The following MEF2C variants were observed in gnomAD, a reference collection of about 807,000 sequenced individuals.
The protein encoded by MEF2C is myocyte-specific enhancer factor 2C.
A neutral mutation model predicts 50.5 loss-of-function variants in MEF2C; 6 were observed. The observed-to-expected ratio is 0.12, with a 90% CI of 0.07 to 0.23. MEF2C has a LOEUF of 0.23. Among genes scored for constraint, MEF2C ranks in the 10% least tolerant of loss-of-function variants. The pLI is 1.00. For synonymous variants in MEF2C, 183 were observed against 228.0 expected, an observed-to-expected ratio of 0.80 and a Z score of 1.78; for missense variants, 276 against 605.0, an observed-to-expected ratio of 0.46 and a Z score of 5.70.
At chr5:88,813,353 G>A (rs894822498) in intron 2 of MEF2C, among the ~76,000 whole-genome samples, 2 of 152,086 alleles carry the variant, frequency 1.3e-5, no homozygotes, top group Non-Finnish European at 2.9e-5. Context: ...CAGAGAAGGA[G>A]TCCTGTATCA....
intron 1 of MEF2C, among the ~76,000 whole-genome samples, chr5:88,842,885 A>T (rs1817884355): frequency 6.6e-6 from 1 of 152,204 alleles, no homozygotes; most frequent in Admixed American, 6.5e-5. Flanking sequence ...TCTTTTCCAG[A>T]ATCCTTGAAA....
Position 88,722,695 on chromosome 5 carries a change from T to A in MEF2C, c.1331A>T (p.His444Leu). The A allele has an allele frequency of 6.2e-7, 1 of 1,613,324 alleles. No individual in the cohort carries two copies. The highest frequency in any genetic ancestry group is 8.5e-7 in the Non-Finnish European group (1 of 1,179,788). ...AGGTCTGGTGAGTCCAATGGGGGAG[T>A]GGAATTCGTTCCGGTGATCCTCTCG... Reference protein sequence around the residue: ...SDREDHRNEFHSPIGLTRPSP... With the variant: ...SDREDHRNEFLSPIGLTRPSP... The change falls in exon 11 of 11, where the codon CAC (histidine) becomes CTC (leucine). Residue 444 changes from histidine (H) to leucine (L), a missense_variant. By Grantham distance (99) the His-to-Leu change is moderately conservative. Around this residue, in one of 2 missense-constraint regions of MEF2C, gnomAD observed 256 missense variants for 468.1 expected, o/e 0.55. Transcript: ENST00000504921.
intron 6 of MEF2C, chr5:88,741,300 A>T (rs150308935): frequency 1.0e-6 from 1 of 984,196 alleles, no homozygotes; most frequent in Middle Eastern, 5.2e-4. Flanking sequence ...ACAAGCACTT[A>T]CTCTGGGGCA....
intron 3 of MEF2C, among the ~76,000 whole-genome samples, chr5:88,765,200 G>C (rs757293867): frequency 6.6e-6 from 1 of 152,120 alleles, no homozygotes; most frequent in Non-Finnish European, 1.5e-5. Flanking sequence ...ATTTAAAAAA[G>C]AGCATTTTGA....
chr5:88,846,099 G>A (rs1490584817), intron 1 of MEF2C, among the ~76,000 whole-genome samples: 1 of 139,516 alleles, frequency 7.2e-6, no homozygotes, highest in Admixed American at 7.4e-5. Context: ...ATGCATTCTA[G>A]CTCTGTTGCC....
intron 1 of MEF2C, among the ~76,000 whole-genome samples, chr5:88,866,032 G>T (rs181699351): frequency 0.019 from 2,900 of 151,976 alleles, 33 homozygotes; most frequent in Admixed American, 0.033. Flanking sequence ...AGTAGCTGGG[G>T]CTACAGGCGC....
chr5:88,851,522 T>G (rs1030734046), intron 1 of MEF2C, among the ~76,000 whole-genome samples: 1 of 152,164 alleles, frequency 6.6e-6, no homozygotes, highest in Admixed American at 6.5e-5. Context: ...TTGATGTCAA[T>G]CAACCTGTAC....
intron 3 of MEF2C, among the ~76,000 whole-genome samples, chr5:88,780,400 C>T (rs778301793): frequency 5.3e-5 from 8 of 152,094 alleles, no homozygotes; most frequent in Non-Finnish European, 8.8e-5. Context: ...AATCACAGTT[C>T]GTCTTGAAAA....
intron 6 of MEF2C, chr5:88,734,122 C>G: frequency 1.0e-6 from 1 of 984,062 alleles, no homozygotes; most frequent in South Asian, 4.7e-5. Flanking sequence ...ATATGTCATC[C>G]TGAATCATTA....
At chr5:88,855,428 C>T (rs1360837773) in intron 1 of MEF2C, among the ~76,000 whole-genome samples, 2 of 151,996 alleles carry the variant, frequency 1.3e-5, no homozygotes, top group Admixed American at 1.3e-4. Context: ...GATTATTTTT[C>T]TGATACAAAA....
intron 3 of MEF2C, among the ~76,000 whole-genome samples, chr5:88,781,394 C>T (rs559816864): frequency 2.0e-5 from 3 of 152,152 alleles, no homozygotes; most frequent in South Asian, 4.1e-4. Flanking sequence ...TTAATTCTTA[C>T]AGGAAGACCA....
intron 3 of MEF2C, among the ~76,000 whole-genome samples, chr5:88,767,124 G>A (rs145128773): frequency 1.3e-5 from 2 of 152,308 alleles, no homozygotes; most frequent in African/African-American, 4.8e-5. Flanking sequence ...GTGCTTTGAG[G>A]ACTGTGCCCA....
intron 10 of MEF2C, among the ~76,000 whole-genome samples, chr5:88,724,056 G>C (rs1757504820): frequency 6.6e-6 from 1 of 152,084 alleles, no homozygotes; most frequent in African/African-American, 2.4e-5. Flanking sequence ...GACTTCCAGA[G>C]CTAGAGTCAG....
intron 6 of MEF2C, chr5:88,739,251 A>C (rs662230): frequency 0.77 from 756,202 of 981,036 alleles, 293,098 homozygotes; most frequent in East Asian, 0.93. Flanking sequence ...AAGCAAATTG[A>C]CACAGGAAAA....
intron 1 of MEF2C, among the ~76,000 whole-genome samples, chr5:88,855,436 A>G (rs952616793): frequency 1.3e-5 from 2 of 152,206 alleles, no homozygotes; most frequent in African/African-American, 4.8e-5. Flanking sequence ...TTCTGATACA[A>G]AAGAATAAAC....
At chr5:88,835,932 G>T (rs1161199784) in intron 1 of MEF2C, among the ~76,000 whole-genome samples, 1 of 151,694 alleles carries the variant, frequency 6.6e-6, no homozygotes, top group Non-Finnish European at 1.5e-5. Flanking sequence ...ACAAATGATA[G>T]TATTTTAAGG....
intron 2 of MEF2C, among the ~76,000 whole-genome samples, chr5:88,816,781 T>C (rs976852637): frequency 6.6e-6 from 1 of 151,916 alleles, no homozygotes; most frequent in Non-Finnish European, 1.5e-5. Context: ...TAATTTTTAA[T>C]ACAAGTGTTG....
intron 1 of MEF2C, among the ~76,000 whole-genome samples, chr5:88,856,184 C>A (rs544619949): frequency 1.8e-4 from 27 of 152,216 alleles, no homozygotes; most frequent in Non-Finnish European, 3.4e-4. Flanking sequence ...TTGCTCCTGA[C>A]CTAGAGATCT....
In MEF2C at chr5:88,742,294, T is replaced by C. The variant is rs1040151977; in HGVS notation, c.637+6776A>G. 2.0e-5 allele frequency: 20 copies of C among 985,088 alleles called. No homozygotes were observed. The African/African-American group carries it at 2.3e-4, about 11-fold the overall frequency. The allele number at this position is 985,088 out of a possible 1,614,324, so 61.0% of individuals were successfully genotyped here. On this transcript the variant is annotated intron_variant, in intron 6 of 10. Coordinates refer to ENST00000504921, the MANE Select transcript of MEF2C (RefSeq NM_002397.5). ...TAAAATCTTATCATGATGCCAAAGA[T>C]AGGGAAGAGGAACCTAATAGGTGTA...
Sources: allele counts gnomAD v4.1 joint callset (sites outside exome capture counted in the v4.1 genomes callset), GRCh38; gene constraint gnomAD v4.1.1; regional missense constraint gnomAD v4.1.1; transcripts MANE v1.5; gene names NCBI Gene and HGNC (gene_info 2026-07-23, HGNC 2026-07-21).